Variants in HDAC9 observed in about 807,000 individuals in gnomAD.
HDAC9 encodes the protein histone deacetylase 9, also known as MEF-2 interacting transcription repressor (MITR) protein.
In HDAC9, 41 loss-of-function variants were observed where a neutral mutation model predicts 139.4. That is an observed-to-expected ratio of 0.29 (90% CI 0.23 to 0.38). The LOEUF is 0.38. Ranked by LOEUF, HDAC9 falls within the 10% of genes least tolerant of loss-of-function variation. HDAC9 has a pLI of 1.00. For missense variants in HDAC9, 1,147 were observed against 1,297.0 expected, an observed-to-expected ratio of 0.88 and a Z score of 1.78; for synonymous variants, 517 against 476.2, an observed-to-expected ratio of 1.09 and a Z score of -1.12.
chr7:18,732,931 A>ATGTGTG (rs1491192322), intron 13 of HDAC9, among the ~76,000 whole-genome samples: 1 of 74,730 alleles, frequency 1.3e-5, no homozygotes, highest in Non-Finnish European at 2.9e-5. Context: ...ACACGTGTGT[A>ATGTGTG]TGTATGTGTA....
chr7:18,993,718 G>T (rs1408310203), intron 25 of HDAC9, among the ~76,000 whole-genome samples: 2 of 152,044 alleles, frequency 1.3e-5, no homozygotes, highest in African/African-American at 2.4e-5. Context: ...TAGGAGAATG[G>T]CTTGAGCCCG....
chr7:18,552,779 C>A (rs1586970167), intron 2 of HDAC9, among the ~76,000 whole-genome samples: 1 of 152,132 alleles, frequency 6.6e-6, no homozygotes, highest in Admixed American at 6.6e-5. Flanking sequence ...GGTCTAGAAG[C>A]AATTGTTCAG....
chr7:18,211,136 T>C (rs1791908844), intron 2 of HDAC9, among the ~76,000 whole-genome samples: 1 of 152,236 alleles, frequency 6.6e-6, no homozygotes, highest in African/African-American at 2.4e-5. Flanking sequence ...TTTGGATTAG[T>C]GATTTAGGAA....
intron 1 of HDAC9, among the ~76,000 whole-genome samples, chr7:18,299,412 T>C (rs1031365795): frequency 1.3e-5 from 2 of 152,162 alleles, no homozygotes; most frequent in Admixed American, 6.5e-5. Context: ...TTTCAAGATA[T>C]ATTTTTTTTC....
intron 1 of HDAC9, among the ~76,000 whole-genome samples, chr7:18,361,811 A>G (rs1306640084): frequency 1.3e-5 from 2 of 151,136 alleles, no homozygotes; most frequent in Non-Finnish European, 2.9e-5. Context: ...TATTGCAAGG[A>G]GAGAGAGAAA....
chr7:18,258,581 T>C (rs1795433892), intron 2 of HDAC9, among the ~76,000 whole-genome samples: 1 of 152,198 alleles, frequency 6.6e-6, no homozygotes, highest in Non-Finnish European at 1.5e-5. Flanking sequence ...AACAAAGTGC[T>C]GTGATGGTTA....
At chr7:18,141,646 G>A (rs1037166629) in intron 1 of HDAC9, among the ~76,000 whole-genome samples, 1 of 152,062 alleles carries the variant, frequency 6.6e-6, no homozygotes, top group African/African-American at 2.4e-5. Flanking sequence ...TGCAATGTCC[G>A]TGGGGCTTTC....
intron 11 of HDAC9, among the ~76,000 whole-genome samples, chr7:18,658,888 G>GA (rs906552072): frequency 1.9e-4 from 12 of 63,400 alleles, no homozygotes; most frequent in Middle Eastern, 9.6e-3. Flanking sequence ...TTATTTAAAA[G>GA]AAAAAAAAAG....
chr7:18,315,889 T>C (rs543784294), intron 1 of HDAC9, among the ~76,000 whole-genome samples: 1 of 152,330 alleles, frequency 6.6e-6, no homozygotes, highest in Middle Eastern at 3.4e-3. Context: ...AGACTGAGTG[T>C]CTGATGGACC....
intron 24 of HDAC9, among the ~76,000 whole-genome samples, chr7:18,962,531 C>T (rs925942566): frequency 1.3e-5 from 2 of 152,034 alleles, no homozygotes; most frequent in African/African-American, 2.4e-5. Flanking sequence ...ATTCCAACTG[C>T]GTCTGCAATT....
At chr7:18,557,463 AGTTAT>A (rs1440173296) in intron 2 of HDAC9, among the ~76,000 whole-genome samples, 1 of 149,654 alleles carries the variant, frequency 6.7e-6, no homozygotes, top group Non-Finnish European at 1.5e-5. Context: ...TCTTTATTTT[AGTTAT>A]GTTATCTGTT....
intron 15 of HDAC9, among the ~76,000 whole-genome samples, chr7:18,764,674 A>G (rs1260655714): frequency 2.0e-5 from 3 of 152,146 alleles, no homozygotes; most frequent in African/African-American, 7.2e-5. Flanking sequence ...TGAAGCTGCC[A>G]TATGTGAATG....
intron 21 of HDAC9, among the ~76,000 whole-genome samples, chr7:18,858,313 G>C (rs1343518525): frequency 1.3e-5 from 2 of 152,180 alleles, no homozygotes; most frequent in Non-Finnish European, 2.9e-5. Context: ...GTGGCTGCAT[G>C]TTCTGCATGG....
chr7:18,675,340 C>T (rs745640003), intron 12 of HDAC9, among the ~76,000 whole-genome samples: 15 of 152,004 alleles, frequency 9.9e-5, no homozygotes, highest in Non-Finnish European at 1.9e-4. Flanking sequence ...CTACTAGCAA[C>T]TCCATGTGAA....
At chr7:18,805,868 A>C (rs919144376) in intron 17 of HDAC9, among the ~76,000 whole-genome samples, 5 of 152,198 alleles carry the variant, frequency 3.3e-5, no homozygotes, top group African/African-American at 1.2e-4. Flanking sequence ...TAGGATCTGT[A>C]AAGTAAGCAG....
intron 19 of HDAC9, among the ~76,000 whole-genome samples, chr7:18,834,808 G>C (rs1365983460): frequency 2.6e-5 from 4 of 152,082 alleles, no homozygotes; most frequent in African/African-American, 9.7e-5. Flanking sequence ...AACTGCGGAG[G>C]GATTGCTAAC....
intron 12 of HDAC9, among the ~76,000 whole-genome samples, chr7:18,690,424 G>C (rs1782590459): frequency 6.6e-6 from 1 of 151,982 alleles, no homozygotes; most frequent in South Asian, 2.1e-4. Flanking sequence ...AGAGATTGAT[G>C]CTGAAAAGGT....
chr7:18,666,772 A>C (rs1302081764), intron 12 of HDAC9: 4 of 1,162,060 alleles, frequency 3.4e-6, no homozygotes, highest in East Asian at 8.6e-5. Flanking sequence ...ATAGGCTTTA[A>C]ATTTATCCCA....
At chr7:18,561,735 A>C (rs143154496) in intron 2 of HDAC9, among the ~76,000 whole-genome samples, 1 of 152,172 alleles carries the variant, frequency 6.6e-6, no homozygotes, top group African/African-American at 2.4e-5. Context: ...TTTACTCAGC[A>C]TGGTTTCAAG....
Sources: gnomAD v4.1 joint callset for allele counts (sites outside exome capture counted in the v4.1 genomes callset) on GRCh38, gnomAD v4.1.1 for gene constraint, MANE v1.5 for transcripts, NCBI Gene and HGNC (gene_info 2026-07-23, HGNC 2026-07-21) for gene names.